MOK: variants seen among roughly 807,000 people sequenced by gnomAD.
The protein encoded by MOK is MOK protein kinase, also known as MAPK/MAK/MRK overlapping kinase.
Under a neutral mutation model 54.2 loss-of-function variants are expected in MOK, and 59 were observed. The observed-to-expected ratio is 1.09, with a 90% confidence interval of 0.88 to 1.35. The LOEUF is 1.35. Among genes scored for constraint, MOK ranks in the 40% most tolerant of loss-of-function variants. The pLI, the probability that MOK is intolerant of heterozygous loss-of-function variation, is 0.00. For synonymous variants in MOK, 210 were observed against 202.7 expected, an observed-to-expected ratio of 1.04 and a Z score of -0.31; for missense variants, 517 against 526.2, an observed-to-expected ratio of 0.98 and a Z score of 0.17.
intron 8 of MOK, chr14:102,233,439 C>A (rs942948896): frequency 6.3e-6 from 3 of 478,342 alleles, no homozygotes; most frequent in Non-Finnish European, 1.1e-5. Context: ...CAGCCTGACT[C>A]CCCAGCCCTC....
rs545224628 is a variant in MOK, at chr14:102,232,918, G to A, written c.693-210C>T. ...AGTAATGAGATATCCACGGTTCATCGACCATAATAAACACACCACTCGAGG... is the reference window on the plus strand; with the variant it reads ...AGTAATGAGATATCCACGGTTCATCAACCATAATAAACACACCACTCGAGG... On this transcript the variant is annotated intron_variant, in intron 8 of 11. Transcript: ENST00000361847. This position sits in a 1 kb window ranked among gnomAD's most constrained non-coding sequence, Gnocchi z 5.1. The A allele has an allele frequency of 4.0e-5, 17 of 429,494 alleles. No homozygotes were observed. The highest frequency in any genetic ancestry group is 3.1e-4 in the South Asian group (6 of 19,104). The allele number at this position is 429,494 out of a possible 1,614,324, so 26.6% of individuals were successfully genotyped here.
chr14:102,290,296 G>T (rs555672081), intron 1 of MOK, among the ~76,000 whole-genome samples: 1 of 151,820 alleles, frequency 6.6e-6, no homozygotes, highest in African/African-American at 2.4e-5. Flanking sequence ...AAAATTAGCC[G>T]GGTGTGGTGG....
chr14:102,227,934 T>C (rs1406799975), downstream of MOK, among the ~76,000 whole-genome samples: 2 of 152,192 alleles, frequency 1.3e-5, no homozygotes. Context: ...CTGGGAAATT[T>C]AGCCTTTTTC....
Position 102,238,970 on chromosome 14 carries a change from C to G in MOK, c.591-5181G>C, listed in dbSNP as rs970418933. On this transcript the variant is annotated intron_variant, in intron 7 of 11. Transcript: ENST00000361847. This position sits in a 1 kb window ranked among gnomAD's most constrained non-coding sequence, Gnocchi z 4.8. ...CATGCCTCCCGTCAAAAACACAAGA[C>G]TACTTCTCACTCTTATAGACATCTT... Among the ~76,000 whole-genome samples the G allele has an allele frequency of 1.3e-5, 2 of 152,314 alleles. No homozygotes were observed. The highest frequency in any genetic ancestry group is 2.9e-5 in the Non-Finnish European group (2 of 68,022).
downstream of MOK, among the ~76,000 whole-genome samples, chr14:102,219,671 G>T (rs1025888552): frequency 6.6e-6 from 1 of 152,238 alleles, no homozygotes; most frequent in African/African-American, 2.4e-5. Context: ...GTTTTTCACC[G>T]GTGGCCAACG....
intron 7 of MOK, 52 bp downstream of exon 7, chr14:102,250,760 C>A: frequency 6.4e-7 from 1 of 1,568,302 alleles, no homozygotes; most frequent in South Asian, 1.1e-5. Flanking sequence ...ACGAGCCTGG[C>A]TGCTGCACCG....
chr14:102,219,223 T>C, the MOK span, among the ~76,000 whole-genome samples: 1 of 152,244 alleles, frequency 6.6e-6, no homozygotes, highest in Non-Finnish European at 1.5e-5. Context: ...AGGTGACTTT[T>C]TTCATTTGAT....
rs1254398137 is a variant in MOK, at chr14:102,245,349, A to G, written c.590+5463T>C. 6.6e-6 allele frequency among the ~76,000 whole-genome samples: 1 copy of G among 151,334 alleles called. No homozygotes were observed. Reference sequence around the variant, plus strand: ...CCCCCCCAAAAATTTTCACTGCCCCAACACTTCAATACTATTTTATGTTAT... The same window carrying G: ...CCCCCCCAAAAATTTTCACTGCCCCGACACTTCAATACTATTTTATGTTAT... On this transcript the variant is annotated intron_variant, in intron 7 of 11. Transcript: ENST00000361847. The surrounding 1 kb of genome is among the most constrained non-coding windows in gnomAD (Gnocchi z 4.3).
intron 2 of MOK, among the ~76,000 whole-genome samples, chr14:102,269,567 G>A (rs1441638176): frequency 1.3e-5 from 2 of 151,500 alleles, no homozygotes; most frequent in Non-Finnish European, 2.9e-5. Context: ...CCATCTCCTG[G>A]GTTCAAGTGA....
chr14:102,249,049 A>T lies in MOK; in HGVS notation c.590+1763T>A, dbSNP rs1009020552. 2.6e-5 allele frequency among the ~76,000 whole-genome samples: 4 copies of T among 151,878 alleles called. No homozygotes were observed. Among genetic ancestry groups the T allele is most frequent in the African/African-American group, 9.7e-5 (4 of 41,352 alleles). On this transcript the variant is annotated intron_variant, in intron 7 of 11. Coordinates refer to ENST00000361847, the MANE Select transcript of MOK (RefSeq NM_014226.3). The surrounding 1 kb of genome is among the most constrained non-coding windows in gnomAD (Gnocchi z 5.3). ...GCGAGGAACTCAGCCTGGCGTGTGC[A>T]GCGACCCTCACCACACGGAACACGA...
chr14:102,293,931 T>C (rs558659675), intron 1 of MOK, among the ~76,000 whole-genome samples: 1 of 152,142 alleles, frequency 6.6e-6, no homozygotes, highest in East Asian at 1.9e-4. Flanking sequence ...GTTGGCTAAG[T>C]GCCACGAAAA....
chr14:102,292,329 C>T (rs982309642), intron 1 of MOK, among the ~76,000 whole-genome samples: 2 of 151,790 alleles, frequency 1.3e-5, no homozygotes, highest in African/African-American at 4.8e-5. Flanking sequence ...AAAAATTAGC[C>T]GGGCATGGTG....
At chr14:102,261,843 A>G (rs1350825456) in intron 4 of MOK, among the ~76,000 whole-genome samples, 1 of 126,396 alleles carries the variant, frequency 7.9e-6, no homozygotes, top group East Asian at 2.4e-4. Flanking sequence ...GGCCTTTTTT[A>G]TTTTTTATTA....
chr14:102,275,400 TA>T (rs2068765468), intron 2 of MOK, among the ~76,000 whole-genome samples: 1 of 151,844 alleles, frequency 6.6e-6, no homozygotes, highest in Admixed American at 6.6e-5. Context: ...CCGTCTCTAT[TA>T]AAAATACAAA....
intron 4 of MOK, among the ~76,000 whole-genome samples, chr14:102,255,661 A>AT (rs1462850942): frequency 2.6e-5 from 4 of 152,210 alleles, no homozygotes; most frequent in African/African-American, 9.6e-5. Context: ...GCCACTCTCC[A>AT]TAAGCTTCTC....
chr14:102,278,541 T>C (rs752744032), intron 2 of MOK: 9 of 404,654 alleles, frequency 2.2e-5, no homozygotes, highest in African/African-American at 1.6e-4. Context: ...AGACCTGACG[T>C]TGGCATCAGC....
chr14:102,287,998 C>A (rs1465235237), intron 1 of MOK, among the ~76,000 whole-genome samples: 3 of 151,506 alleles, frequency 2.0e-5, no homozygotes, highest in Non-Finnish European at 2.9e-5. Context: ...CCGCGCCCGG[C>A]TAATTTTTTG....
intron 2 of MOK, chr14:102,278,469 T>C (rs2153163391): frequency 3.1e-5 from 8 of 256,288 alleles, no homozygotes; most frequent in South Asian, 3.1e-4. Flanking sequence ...CTTTTTGTTT[T>C]TGTAAAAGTA....
chr14:102,286,809 C>A (rs947038362), intron 1 of MOK, among the ~76,000 whole-genome samples: 1 of 151,762 alleles, frequency 6.6e-6, no homozygotes, highest in Non-Finnish European at 1.5e-5. Context: ...ATTTGAGAGG[C>A]TGACGCAGGA....
Sources: allele counts gnomAD v4.1 joint callset (sites outside exome capture counted in the v4.1 genomes callset), GRCh38; gene constraint gnomAD v4.1.1; non-coding constraint Gnocchi (gnomAD v3.1); transcripts MANE v1.5; gene names NCBI Gene and HGNC (gene_info 2026-07-23, HGNC 2026-07-21).